The following SHISA9 variants were observed in gnomAD, a reference collection of about 807,000 sequenced individuals.
SHISA9 encodes shisa family member 9, also known as protein shisa-9.
Under a neutral mutation model 38.0 loss-of-function variants are expected in SHISA9, and 13 were observed. That is an observed-to-expected ratio of 0.34 (90% confidence interval 0.22 to 0.54). The LOEUF (loss-of-function observed/expected upper bound fraction) is 0.54. Among genes scored for constraint, SHISA9 ranks in the 20% least tolerant of loss-of-function variants. SHISA9 has a pLI of 0.91. For synonymous variants in SHISA9, 275 were observed against 242.0 expected (o/e 1.14, Z -1.27); for missense variants, 538 against 575.8 (o/e 0.93, Z 0.67).
At chr16:13,288,942 AAGGCTTCAATATATGAATGAGTG>A in the SHISA9 span, among the ~76,000 whole-genome samples, 3 of 152,284 alleles carry the variant, frequency 2.0e-5, no homozygotes, top group South Asian at 4.1e-4. Flanking sequence ...TGAGGGAGTG[AAGGCTTCAATATATGAATGAGTG>A]AGGCTTCAAT....
chr16:13,140,969 G>C (rs2050396966), intron 2 of SHISA9, among the ~76,000 whole-genome samples: 1 of 152,154 alleles, frequency 6.6e-6, no homozygotes, highest in Non-Finnish European at 1.5e-5. Flanking sequence ...TGCTGAACCT[G>C]GAGAAATAGG....
At chr16:13,507,124 C>T in the SHISA9 span, among the ~76,000 whole-genome samples, 3 of 151,978 alleles carry the variant, frequency 2.0e-5, no homozygotes, top group African/African-American at 7.2e-5. Flanking sequence ...TTCACACTTA[C>T]ATTTCAGGCA....
chr16:13,332,888 T>C, the SHISA9 span, among the ~76,000 whole-genome samples: 2 of 152,216 alleles, frequency 1.3e-5, no homozygotes, highest in African/African-American at 4.8e-5. Context: ...GGCCCTGTGG[T>C]CCAGCTGCCA....
intron 2 of SHISA9, among the ~76,000 whole-genome samples, chr16:13,078,500 G>T (rs2073610395): frequency 6.6e-6 from 1 of 151,964 alleles, no homozygotes. Flanking sequence ...CTGCCCCTGG[G>T]GTTTAAGAGA....
At chr16:12,994,746 A>G (rs1419406776) in intron 2 of SHISA9, among the ~76,000 whole-genome samples, 2 of 152,204 alleles carry the variant, frequency 1.3e-5, no homozygotes, top group African/African-American at 2.4e-5. Flanking sequence ...TCCGTTGGTC[A>G]TGGTCAGGTA....
At chr16:13,493,086 G>GAAGGGAA in the SHISA9 span, among the ~76,000 whole-genome samples, 1 of 152,202 alleles carries the variant, frequency 6.6e-6, no homozygotes. Flanking sequence ...AAGTGGAGGA[G>GAAGGGAA]AAGGGAATGT....
At chr16:13,103,915 C>T (rs1366891982) in intron 2 of SHISA9, among the ~76,000 whole-genome samples, 2 of 152,162 alleles carry the variant, frequency 1.3e-5, no homozygotes, top group South Asian at 2.1e-4. Flanking sequence ...GTCATCTCTC[C>T]CCCATTCTGG....
intron 2 of SHISA9, among the ~76,000 whole-genome samples, chr16:12,949,848 T>A (rs965764859): frequency 6.6e-6 from 1 of 152,210 alleles, no homozygotes; most frequent in Non-Finnish European, 1.5e-5. Context: ...CTCAAACATT[T>A]ATTATTTCTT....
chr16:13,295,411 A>G, the SHISA9 span, among the ~76,000 whole-genome samples: 2 of 152,104 alleles, frequency 1.3e-5, no homozygotes, highest in Non-Finnish European at 2.9e-5. Context: ...AACACAACCA[A>G]TCCTTCAAAA....
At chr16:13,298,685 A>C in the SHISA9 span, among the ~76,000 whole-genome samples, 3 of 152,160 alleles carry the variant, frequency 2.0e-5, no homozygotes, top group Non-Finnish European at 4.4e-5. Flanking sequence ...TGGGCGTTTC[A>C]GGTCAGAGTT....
At chr16:13,085,864 C>G (rs276638) in intron 2 of SHISA9, among the ~76,000 whole-genome samples, 31,362 of 152,034 alleles carry the variant, frequency 0.21, 6,110 homozygotes, top group African/African-American at 0.51. Flanking sequence ...AAAGTTAGCA[C>G]ACACAATAAG....
the SHISA9 span, among the ~76,000 whole-genome samples, chr16:13,288,428 A>C: frequency 4.0e-5 from 6 of 151,816 alleles, no homozygotes; most frequent in Non-Finnish European, 8.8e-5. Context: ...GAAGATAGGG[A>C]TTGGGGGAGA....
chr16:13,461,413 C>G, the SHISA9 span, among the ~76,000 whole-genome samples: 10 of 152,114 alleles, frequency 6.6e-5, no homozygotes, highest in African/African-American at 2.4e-4. Context: ...AACTCTGTCT[C>G]TGCTAAAAAT....
At chr16:13,467,629 G>A in the SHISA9 span, among the ~76,000 whole-genome samples, 21 of 152,168 alleles carry the variant, frequency 1.4e-4, no homozygotes, top group East Asian at 2.3e-3. Flanking sequence ...TCCATCTCTC[G>A]GAAGAACCCT....
At chr16:13,066,833 G>C (rs2073440433) in intron 2 of SHISA9, among the ~76,000 whole-genome samples, 2 of 152,204 alleles carry the variant, frequency 1.3e-5, no homozygotes, top group South Asian at 4.1e-4. Context: ...CCCCAGTCTT[G>C]TCAAAGGTCC....
At chr16:13,140,351 A>G (rs1232757425) in intron 2 of SHISA9, among the ~76,000 whole-genome samples, 1 of 151,638 alleles carries the variant, frequency 6.6e-6, no homozygotes, top group African/African-American at 2.4e-5. Context: ...TAATTTTTGT[A>G]TTTTTAGTAG....
At chr16:13,548,818 T>A in the SHISA9 span, among the ~76,000 whole-genome samples, 7 of 152,116 alleles carry the variant, frequency 4.6e-5, no homozygotes. Flanking sequence ...TCTCAAAATA[T>A]TAAAAGTAGA....
the SHISA9 span, among the ~76,000 whole-genome samples, chr16:13,509,127 G>T: frequency 3.3e-5 from 5 of 152,244 alleles, no homozygotes; most frequent in South Asian, 8.3e-4. Context: ...CACAGTGGAG[G>T]TGCTGTGGAA....
intron 2 of SHISA9, among the ~76,000 whole-genome samples, chr16:13,131,932 T>G (rs2050310152): frequency 6.6e-6 from 1 of 152,230 alleles, no homozygotes. Flanking sequence ...GGGTTTGCCA[T>G]TTGTTCTCCC....
Sources: allele counts gnomAD v4.1 joint callset (sites outside exome capture counted in the v4.1 genomes callset), GRCh38; gene constraint gnomAD v4.1.1; transcripts MANE v1.5; gene names NCBI Gene and HGNC (gene_info 2026-07-23, HGNC 2026-07-21).